SEZ6L: variants seen among roughly 807,000 people sequenced by gnomAD.
The protein encoded by SEZ6L is seizure 6-like protein.
SEZ6L carries 37 observed loss-of-function variants against 106.2 expected under a neutral mutation model. That is an observed-to-expected ratio of 0.35 (90% CI 0.27 to 0.46). The LOEUF is 0.46. SEZ6L is among the 20% of genes least tolerant of loss of function. SEZ6L has a pLI of 1.00. For missense variants in SEZ6L, 1,172 were observed against 1,332.8 expected, an observed-to-expected ratio of 0.88 and a Z score of 1.88; for synonymous variants, 541 against 570.4, an observed-to-expected ratio of 0.95 and a Z score of 0.73.
rs1556373473 is a variant in SEZ6L at position 26,350,194 on chromosome 22, G to GTATATATATATATACACATATATA, written c.2408-846_2408-823dup. On this transcript the variant is annotated intron_variant, in intron 11 of 16. Transcript: ENST00000248933. ...AATTCATATATATGTGTGTGTGTGT[G>GTATATATATATATACACATATATA]TATATATATATATACACATATATAT... 3.6e-3 allele frequency among the ~76,000 whole-genome samples: 499 copies of GTATATATATATATACACATATATA among 138,718 alleles called. 1 individual carries two copies. Among genetic ancestry groups the GTATATATATATATACACATATATA allele is most frequent in the Non-Finnish European group, 5.0e-3 (327 of 65,912 alleles). 91.0% of individuals were successfully genotyped at this position (138,718 alleles called of 152,430 possible).
In SEZ6L at chr22:26,338,297, C is replaced by T. The variant is rs140048429; in HGVS notation, c.2016-2139C>T. ...ACTCTGCAGGCTTCTATGCCTATCCCCATACCCCAGGCACACTGACCACTG... is the reference window on the plus strand; with the variant it reads ...ACTCTGCAGGCTTCTATGCCTATCCTCATACCCCAGGCACACTGACCACTG... On this transcript the variant is annotated intron_variant, in intron 9 of 16. Transcript: ENST00000248933. Among the ~76,000 whole-genome samples the T allele has an allele frequency of 3.2e-4, 48 of 152,340 alleles. No homozygotes were observed. In the East Asian group the frequency reaches 8.7e-3, roughly 28 times the overall value.
intron 1 of SEZ6L, 101 bp from the exon 2 acceptor site, chr22:26,292,305 G>A: frequency 1.1e-6 from 1 of 897,210 alleles, no homozygotes; most frequent in Non-Finnish European, 1.7e-6. Flanking sequence ...AGCCGGACGA[G>A]CTTTGGGCAC....
intron 6 of SEZ6L, among the ~76,000 whole-genome samples, chr22:26,306,932 C>T (rs1214705197): frequency 6.6e-6 from 1 of 152,048 alleles, no homozygotes; most frequent in Non-Finnish European, 1.5e-5. Context: ...GTTGGGTTTC[C>T]TTGGAATCAG....
At chr22:26,250,718 G>C (rs1751725350) in intron 1 of SEZ6L, among the ~76,000 whole-genome samples, 1 of 152,042 alleles carries the variant, frequency 6.6e-6, no homozygotes, top group African/African-American at 2.4e-5. Context: ...ATTTTATAGG[G>C]ATTGCATTGT....
chr22:26,373,926 G>A lies in SEZ6L; in HGVS notation c.2827+443G>A, dbSNP rs114096564. Among the ~76,000 whole-genome samples the A allele has an allele frequency of 9.2e-3, 1,401 of 152,134 alleles. 19 individuals carry two copies. Among genetic ancestry groups the A allele is most frequent in the African/African-American group, 0.032 (1,328 of 41,502 alleles). ...TTTCCCTGAGTCTTTTTTCCCCTCA[G>A]CATACCCACCCCTTCTCCCATCTCT... On this transcript the variant is annotated intron_variant, in intron 14 of 16. Coordinates refer to ENST00000248933, the MANE Select transcript of SEZ6L (RefSeq NM_021115.5).
At chr22:26,357,963 C>T (rs1380063571) in intron 12 of SEZ6L, among the ~76,000 whole-genome samples, 2 of 152,148 alleles carry the variant, frequency 1.3e-5, no homozygotes, top group Admixed American at 6.5e-5. Context: ...AGCGATTCCC[C>T]GGGAGGCCCT....
At chr22:26,250,966 G>C (rs1033309346) in intron 1 of SEZ6L, among the ~76,000 whole-genome samples, 7 of 152,062 alleles carry the variant, frequency 4.6e-5, no homozygotes, top group Non-Finnish European at 8.8e-5. Flanking sequence ...TTTTCAGCTA[G>C]TTTGTTGTTG....
chr22:26,260,990 T>C (rs1266289129), intron 1 of SEZ6L, among the ~76,000 whole-genome samples: 1 of 152,258 alleles, frequency 6.6e-6, no homozygotes, highest in Admixed American at 6.5e-5. Context: ...TTAGTGATGT[T>C]GAGCATTTTT....
intron 9 of SEZ6L, among the ~76,000 whole-genome samples, chr22:26,324,262 C>T (rs1320534446): frequency 1.3e-5 from 2 of 152,186 alleles, no homozygotes; most frequent in African/African-American, 4.8e-5. Context: ...GAAAAAGTCT[C>T]AATCAGGCTC....
At position 26,208,883 on chromosome 22, in the gene SEZ6L, T is replaced by TGA. The variant is rs1308776603; in HGVS notation, c.94+39121_94+39122insAG. Among the ~76,000 whole-genome samples, 3 of 150,850 alleles carry TGA rather than the reference T, an allele frequency of 2.0e-5. No homozygotes were observed. In the East Asian group the frequency reaches 5.8e-4, roughly 29 times the overall value. Reference sequence around the variant, plus strand: ...GTGTGTGTGTGTGTGTGTGTGTGTGTGTGTGTGTGTGTGTGTGTGTGTAAT... The same window carrying TGA: ...GTGTGTGTGTGTGTGTGTGTGTGTGTGAGTGTGTGTGTGTGTGTGTGTGTAAT... On this transcript the variant is annotated intron_variant, in intron 1 of 16. Transcript: ENST00000248933.
chr22:26,325,502 A>G (rs1424477672), intron 9 of SEZ6L, among the ~76,000 whole-genome samples: 1 of 152,348 alleles, frequency 6.6e-6, no homozygotes, highest in South Asian at 2.1e-4. Flanking sequence ...ATTTGCACCT[A>G]GGGCTTGGTG....
chr22:26,253,403 G>T (rs747717406), intron 1 of SEZ6L, among the ~76,000 whole-genome samples: 1 of 151,764 alleles, frequency 6.6e-6, no homozygotes, highest in Non-Finnish European at 1.5e-5. Context: ...TTTTTTGACT[G>T]TCCCTAGACC....
intron 1 of SEZ6L, among the ~76,000 whole-genome samples, chr22:26,270,465 T>G (rs199545233): frequency 2.0e-3 from 94 of 47,028 alleles, no homozygotes; most frequent in African/African-American, 4.3e-3. Context: ...TTGTGAGGGG[T>G]GTGTGTGTGT....
chr22:26,192,208 C>A (rs9613123), intron 1 of SEZ6L, among the ~76,000 whole-genome samples: 21,989 of 152,142 alleles, frequency 0.14, 2,137 homozygotes, highest in African/African-American at 0.28. Flanking sequence ...GAATCCATTC[C>A]TTCATCTGTC....
In SEZ6L at chr22:26,292,517, C is replaced by T. The variant is rs2081161542; in HGVS notation, c.206C>T (p.Ala69Val). The T allele has an allele frequency of 3.1e-6, 5 of 1,613,838 alleles. No individual in the cohort carries two copies. Among genetic ancestry groups the T allele is most frequent in the East Asian group, 2.2e-5 (1 of 44,856 alleles). ...CACCCTGAAGAGAGAGTGGTAACAGCGCCCCCCAGTTCCTCACAGTCGGCG... is the reference window on the plus strand; with the variant it reads ...CACCCTGAAGAGAGAGTGGTAACAGTGCCCCCCAGTTCCTCACAGTCGGCG... Reference protein sequence around the residue: ...KEHPEERVVTAPPSSSQSAEV... With the variant: ...KEHPEERVVTVPPSSSQSAEV... The change falls in exon 2 of 17, where the codon GCG becomes GTG. Residue 69 changes from alanine to valine, a missense_variant. This residue lies in a region of SEZ6L where 494 missense variants were observed against 445.8 expected (regional missense o/e 1.11). Coordinates refer to ENST00000248933, the MANE Select transcript of SEZ6L (RefSeq NM_021115.5).
chr22:26,311,662 TC>T, intron 7 of SEZ6L, 105 bp from the exon 8 acceptor site: 7 of 1,007,048 alleles, frequency 7.0e-6, no homozygotes, highest in Non-Finnish European at 1.0e-5. Context: ...GTACCTGTTT[TC>T]TTTGGGGCTT....
At chr22:26,352,029 T>G (rs757487269) in intron 12 of SEZ6L, among the ~76,000 whole-genome samples, 7 of 151,944 alleles carry the variant, frequency 4.6e-5, no homozygotes, top group Non-Finnish European at 1.0e-4. Flanking sequence ...GGCATGGTGG[T>G]GTACACCTAT....
At chr22:26,340,263 T>C (rs565391888) in intron 9 of SEZ6L, among the ~76,000 whole-genome samples, 173 bp from the exon 10 acceptor site, 60 of 152,098 alleles carry the variant, frequency 3.9e-4, no homozygotes, top group Non-Finnish European at 7.8e-4. Flanking sequence ...AATCTTTGTG[T>C]CACATTTGCA....
chr22:26,305,130 T>G (rs918162151), intron 5 of SEZ6L, among the ~76,000 whole-genome samples: 1 of 152,192 alleles, frequency 6.6e-6, no homozygotes, highest in African/African-American at 2.4e-5. Flanking sequence ...ATGGGACCAC[T>G]GCCATATATA....
Sources: gnomAD v4.1 joint callset for allele counts (sites outside exome capture counted in the v4.1 genomes callset) on GRCh38, gnomAD v4.1.1 for gene constraint, gnomAD v4.1.1 regional missense constraint, MANE v1.5 for transcripts, NCBI Gene and HGNC (gene_info 2026-07-23, HGNC 2026-07-21) for gene names.